The following WDR11 variants were observed in gnomAD, a reference collection of about 807,000 sequenced individuals.
WDR11 encodes the protein WD repeat-containing protein 11.
Under a neutral mutation model 151.2 loss-of-function variants are expected in WDR11, and 83 were observed. The observed-to-expected ratio is 0.55, with a 90% CI of 0.46 to 0.66. WDR11 has a LOEUF of 0.66. Ranked by LOEUF, WDR11 falls within the 30% of genes least tolerant of loss-of-function variation. The pLI, the probability that WDR11 is intolerant of heterozygous loss-of-function variation, is 0.00. For missense variants in WDR11, 1,301 were observed against 1,480.9 expected (o/e 0.88, Z 1.99); for synonymous variants, 484 against 533.1 (o/e 0.91, Z 1.27).
intron 5 of WDR11, among the ~76,000 whole-genome samples, chr10:120,863,241 C>T (rs1024687227): frequency 2.0e-5 from 3 of 152,068 alleles, no homozygotes; most frequent in Admixed American, 6.6e-5. Flanking sequence ...AAAATTTGGG[C>T]ACAAAAGCTG....
At position 120,903,105 on chromosome 10, in the gene WDR11, A is replaced by G. The variant is rs749387055; in HGVS notation, c.2804A>G (p.Tyr935Cys). The G allele has an allele frequency of 1.2e-6, 2 of 1,614,140 alleles. No individual in the cohort carries two copies. The highest frequency in any genetic ancestry group is 1.7e-6 in the Non-Finnish European group (2 of 1,180,030). The change falls in exon 23 of 29, where the codon TAC becomes TGC. Residue 935 changes from tyrosine to cysteine, a missense_variant. By Grantham distance (194) the Tyr-to-Cys change is radical (BLOSUM62 -2). Transcript: ENST00000263461. The stretch of plus-strand genomic sequence containing the variant: ...CACTTCTGGACTGTCGCTGCCCACT[A>G]CCTGCACAGCTTATCCCAGGAAAAG... ...ELHFWTVAAH[Y>C]LHSLSQEKSA...
intron 11 of WDR11, 71 bp downstream of exon 11, chr10:120,873,994 C>A: frequency 1.0e-6 from 1 of 968,412 alleles, no homozygotes; most frequent in Non-Finnish European, 1.7e-6. Context: ...GACTTTTCTA[C>A]ATTGAGTACT....
At position 120,898,622 on chromosome 10, in the gene WDR11, G is replaced by A. The variant is rs185018485; in HGVS notation, c.2516-1407G>A. ...CTGGTAGGGGGTGATTGGATCATGG[G>A]GGCAGATTTCCCCCTTACTGTTCTC... On this transcript the variant is annotated intron_variant, in intron 19 of 28. Transcript: ENST00000263461. Among the ~76,000 whole-genome samples, 789 of 152,232 alleles carry A rather than the reference G, an allele frequency of 5.2e-3. 7 individuals are homozygous for A. Among genetic ancestry groups the A allele is most frequent in the Middle Eastern group, 0.02 (6 of 294 alleles).
At position 120,874,192 on chromosome 10, in the gene WDR11, TGTTGTTGTTGTTG is replaced by T. The variant is rs533171701; in HGVS notation, c.1556+270_1556+282del. ...GTTTTTGCAGTTTTTTTTTTTTTTT[TGTTGTTGTTGTTG>T]TTGTTTGTTTTGTTTTGTTTTGTTT... On this transcript the variant is annotated intron_variant, in intron 11 of 28. Coordinates refer to ENST00000263461, the MANE Select transcript of WDR11 (RefSeq NM_018117.12). 0.036 allele frequency among the ~76,000 whole-genome samples: 4,163 copies of T among 116,110 alleles called. 264 individuals are homozygous for T. The highest frequency in any genetic ancestry group is 0.043 in the Non-Finnish European group (2,429 of 56,738). The allele number at this position is 116,110 out of a possible 152,430, so 76.2% of individuals were successfully genotyped here. A position where few individuals can be genotyped will look rare whatever the true frequency, so the allele number is the denominator to read the frequency against.
chr10:120,903,998 C>G (rs1847937604), intron 23 of WDR11, 49 bp from the exon 24 acceptor site: 2 of 1,285,780 alleles, frequency 1.6e-6, no homozygotes, highest in African/African-American at 3.0e-5. Context: ...TTAAATAATT[C>G]CAAACTCTTA....
intron 14 of WDR11, among the ~76,000 whole-genome samples, chr10:120,884,478 G>A (rs144518962): frequency 2.0e-5 from 3 of 152,118 alleles, no homozygotes; most frequent in African/African-American, 4.8e-5. Context: ...ACCGTATAGA[G>A]AAGTGAGTGT....
intron 16 of WDR11, among the ~76,000 whole-genome samples, chr10:120,888,748 C>G (rs1349253646): frequency 6.6e-6 from 1 of 152,126 alleles, no homozygotes; most frequent in Non-Finnish European, 1.5e-5. Flanking sequence ...AGTTGGCTCT[C>G]TGGAAAACCT....
rs759403941 is a variant in WDR11 at position 120,860,160 on chromosome 10, T to A, written c.404T>A (p.Ile135Asn). The change falls in exon 4 of 29, where the codon ATC becomes AAC. Residue 135 changes from isoleucine (I) to asparagine (N), a missense_variant. Physicochemically the swap from Ile to Asn is moderately radical, Grantham distance 149. Coordinates refer to ENST00000263461, the MANE Select transcript of WDR11 (RefSeq NM_018117.12). Reference sequence around the variant, plus strand: ...GCTTCCCGCGATTTACTGCTTGCTATCCACCCGCCAAATTACATTGTGCTC... The same window carrying A: ...GCTTCCCGCGATTTACTGCTTGCTAACCACCCGCCAAATTACATTGTGCTC... ...QDASRDLLLA[I>N]HPPNYIVLWN... 1.3e-5 allele frequency: 21 copies of A among 1,614,170 alleles called. No individual in the cohort carries two copies. The highest frequency in any genetic ancestry group is 1.7e-4 in the Middle Eastern group (1 of 6,060).
At chr10:120,851,700 C>A (rs769534470) in intron 1 of WDR11, 194 bp downstream of exon 1, 2 of 650,472 alleles carry the variant, frequency 3.1e-6, no homozygotes, top group Admixed American at 2.6e-5. Flanking sequence ...GTGGGAAATT[C>A]CCCCATGCAA....
intron 4 of WDR11, among the ~76,000 whole-genome samples, chr10:120,861,726 C>T (rs148943324): frequency 2.0e-4 from 31 of 152,266 alleles, no homozygotes; most frequent in African/African-American, 6.7e-4. Context: ...TTGCTAAGGG[C>T]TGGGACCCAG....
intron 28 of WDR11, chr10:120,907,732 C>T (rs917427693): frequency 6.6e-6 from 1 of 151,274 alleles, no homozygotes; most frequent in Non-Finnish European, 1.5e-5. Context: ...ACAGCCTTGA[C>T]TTCCTGGGCT....
At chr10:120,855,340 A>C (rs1302821158) in intron 2 of WDR11, among the ~76,000 whole-genome samples, 1 of 152,176 alleles carries the variant, frequency 6.6e-6, no homozygotes, top group African/African-American at 2.4e-5. Flanking sequence ...AGATTTCATC[A>C]TGCTATTCAG....
chr10:120,908,183 C>T (rs1156270452), intron 28 of WDR11: 1 of 253,636 alleles, frequency 3.9e-6, no homozygotes, highest in African/African-American at 2.2e-5. Flanking sequence ...CCCAAACTGC[C>T]AGCCTCTCAG....
chr10:120,852,322 G>T, intron 1 of WDR11: 1 of 554,076 alleles, frequency 1.8e-6, no homozygotes, highest in Non-Finnish European at 3.2e-6. Context: ...TTATCCGAAT[G>T]AAAAGTGAAT....
intron 2 of WDR11, among the ~76,000 whole-genome samples, chr10:120,853,004 C>T (rs543419285): frequency 1.3e-5 from 2 of 152,144 alleles, no homozygotes; most frequent in East Asian, 1.9e-4. Flanking sequence ...TTGCGTAACA[C>T]GCTGTGAGAA....
chr10:120,900,719 A>AC (rs553452802), intron 20 of WDR11, among the ~76,000 whole-genome samples: 3 of 152,170 alleles, frequency 2.0e-5, no homozygotes, highest in Non-Finnish European at 4.4e-5. Flanking sequence ...TCCTTTAGTA[A>AC]CATTGTTAAG....
chr10:120,888,420 A>C (rs566205012), intron 16 of WDR11, among the ~76,000 whole-genome samples: 1 of 152,318 alleles, frequency 6.6e-6, no homozygotes, highest in East Asian at 1.9e-4. Flanking sequence ...TGAGCCCTCC[A>C]TGATACCACC....
chr10:120,905,606 T>C (rs1848007892), intron 26 of WDR11, 190 bp downstream of exon 26: 1 of 777,980 alleles, frequency 1.3e-6, no homozygotes, highest in African/African-American at 1.7e-5. Flanking sequence ...AAATGGATCT[T>C]GCATTGGTAG....
rs760165098 is a variant in WDR11, at chr10:120,890,790, A to G, written c.2418A>G (p.Ser806=). The change falls in exon 19 of 29, where the codon TCA becomes TCG. Residue 806 remains serine, a synonymous_variant. Transcript: ENST00000263461. ...FRILDVDWCT[S]DKVILASDDG... ...TATTGGATGTGGACTGGTGTACGTCAGATAAAGTGATCTTGGCCTCAGATG... is the reference window on the plus strand; with the variant it reads ...TATTGGATGTGGACTGGTGTACGTCGGATAAAGTGATCTTGGCCTCAGATG... The G allele has an allele frequency of 1.9e-6, 3 of 1,614,206 alleles. No individual in the cohort carries two copies. The highest frequency in any genetic ancestry group is 2.2e-5 in the South Asian group (2 of 91,084).
Sources: allele counts gnomAD v4.1 joint callset (sites outside exome capture counted in the v4.1 genomes callset), GRCh38; gene constraint gnomAD v4.1.1; transcripts MANE v1.5; gene names NCBI Gene and HGNC (gene_info 2026-07-23, HGNC 2026-07-21).